The following CPA6 variants were observed in gnomAD, a reference collection of about 807,000 sequenced individuals.
CPA6 encodes the protein carboxypeptidase B.
A neutral mutation model predicts 63.3 loss-of-function variants in CPA6; 58 were observed. That is an observed-to-expected ratio of 0.92 (90% CI 0.74 to 1.14). The LOEUF (loss-of-function observed/expected upper bound fraction) is 1.14, where lower values mean the gene tolerates loss of function less well. Ranked by LOEUF, CPA6 falls within the 50% of genes most tolerant of loss-of-function variation. CPA6 has a pLI of 0.00. For synonymous variants in CPA6, 185 were observed against 179.0 expected, an observed-to-expected ratio of 1.03 and a Z score of -0.27; for missense variants, 565 against 526.6, an observed-to-expected ratio of 1.07 and a Z score of -0.71.
intron 1 of CPA6, among the ~76,000 whole-genome samples, chr8:67,642,795 A>ACT (rs770864889): frequency 7.1e-5 from 10 of 141,676 alleles, no homozygotes; most frequent in Admixed American, 2.1e-4. Flanking sequence ...CCTTTATCTC[A>ACT]CACACACACA....
chr8:67,567,918 C>A (rs547056301), intron 2 of CPA6, among the ~76,000 whole-genome samples: 1 of 151,706 alleles, frequency 6.6e-6, no homozygotes, highest in East Asian at 1.9e-4. Flanking sequence ...TGCAGTTAGA[C>A]CACCTGGGGT....
At chr8:67,457,201 G>A (rs558147267) in intron 8 of CPA6, among the ~76,000 whole-genome samples, 5 of 152,318 alleles carry the variant, frequency 3.3e-5, no homozygotes, top group South Asian at 4.1e-4. Context: ...TTAGCACAGC[G>A]TAACATTTTT....
intron 2 of CPA6, among the ~76,000 whole-genome samples, chr8:67,593,794 G>A (rs1814208764): frequency 6.8e-6 from 1 of 147,894 alleles, no homozygotes; most frequent in Admixed American, 6.8e-5. Flanking sequence ...CGTGAGATGG[G>A]TTTCCTGAAT....
chr8:67,674,144 G>A (rs1816417719), intron 1 of CPA6, among the ~76,000 whole-genome samples: 1 of 152,224 alleles, frequency 6.6e-6, no homozygotes, highest in Non-Finnish European at 1.5e-5. Context: ...TGACATGACA[G>A]AGAGGGTAAG....
At chr8:67,623,697 G>A (rs1815133009) in intron 2 of CPA6, among the ~76,000 whole-genome samples, 1 of 152,088 alleles carries the variant, frequency 6.6e-6, no homozygotes, top group African/African-American at 2.4e-5. Flanking sequence ...GTCTCCCAAA[G>A]TGCTGAGACT....
chr8:67,629,008 T>C (rs186309978), intron 1 of CPA6, among the ~76,000 whole-genome samples: 99 of 152,182 alleles, frequency 6.5e-4, no homozygotes, highest in Middle Eastern at 3.4e-3. Context: ...CCAGCTACTC[T>C]GGAGGCTAAG....
intron 2 of CPA6, among the ~76,000 whole-genome samples, chr8:67,565,258 T>G (rs1188006378): frequency 3.3e-5 from 5 of 151,902 alleles, no homozygotes; most frequent in African/African-American, 9.7e-5. Flanking sequence ...AAAACCCAGT[T>G]GTAGAGATTG....
chr8:67,617,233 A>G (rs1814978419), intron 2 of CPA6, among the ~76,000 whole-genome samples: 1 of 152,194 alleles, frequency 6.6e-6, no homozygotes, highest in South Asian at 2.1e-4. Flanking sequence ...GAATGTTTCT[A>G]ATGTATTTCT....
intron 1 of CPA6, among the ~76,000 whole-genome samples, chr8:67,710,758 G>GA (rs1482037241): frequency 2.6e-5 from 4 of 151,358 alleles, no homozygotes; most frequent in African/African-American, 9.7e-5. Context: ...TGTTGGGGGG[G>GA]GCTTAGAATT....
chr8:67,483,803 A>G lies in CPA6; in HGVS notation c.803T>C (p.Val268Ala), dbSNP rs1811410745. The change falls in exon 8 of 11, where the codon GTG becomes GCG. Residue 268 changes from valine to alanine, a missense_variant. Physicochemically the swap from Val to Ala is moderately conservative, Grantham distance 64. Transcript: ENST00000297770. ...SRNSRFRCRG[V>A]DANRNWKVKW... is the part of the protein sequence containing the mutation. ...CACTTTCCAGTTTCTATTGGCATCCACTCCACGGCAGCGAAACCTTGAGTT... is the reference window on the plus strand; with the variant it reads ...CACTTTCCAGTTTCTATTGGCATCCGCTCCACGGCAGCGAAACCTTGAGTT... 1 of 1,613,836 alleles carries G rather than the reference A, an allele frequency of 6.2e-7. No individual in the cohort carries two copies. Among genetic ancestry groups the G allele is most frequent in the Non-Finnish European group, 8.5e-7 (1 of 1,179,978 alleles).
chr8:67,472,378 T>TTATTTTATTTTATTCTATTC (rs1392843375), intron 8 of CPA6, among the ~76,000 whole-genome samples: 1,727 of 87,108 alleles, frequency 0.02, 52 homozygotes, highest in South Asian at 0.049. Context: ...ATTTATTTTT[T>TTATTTTATTTTATTCTATTC]TATTTTATTT....
intron 1 of CPA6, among the ~76,000 whole-genome samples, chr8:67,653,328 T>G (rs1286164169): frequency 2.0e-5 from 3 of 152,204 alleles, no homozygotes; most frequent in Non-Finnish European, 2.9e-5. Context: ...TAAATTACCT[T>G]GGGCAGTATG....
chr8:67,605,080 G>GTTTTTTTT (rs34741776), intron 2 of CPA6, among the ~76,000 whole-genome samples: 2 of 145,054 alleles, frequency 1.4e-5, no homozygotes, highest in East Asian at 2.0e-4. Flanking sequence ...GCCCAGCCAC[G>GTTTTTTTT]TTTTTTTTTT....
At chr8:67,643,440 C>A (rs1407124428) in intron 1 of CPA6, among the ~76,000 whole-genome samples, 1 of 152,142 alleles carries the variant, frequency 6.6e-6, no homozygotes, top group Non-Finnish European at 1.5e-5. Flanking sequence ...TGCAACCATC[C>A]TACTGATGAT....
chr8:67,543,846 T>C (rs1304739992), intron 2 of CPA6, among the ~76,000 whole-genome samples: 1 of 151,870 alleles, frequency 6.6e-6, no homozygotes, highest in African/African-American at 2.4e-5. Flanking sequence ...TGCAGTAGTG[T>C]GATCATAGCT....
At chr8:67,731,597 A>T (rs1817705953) in intron 1 of CPA6, among the ~76,000 whole-genome samples, 1 of 151,706 alleles carries the variant, frequency 6.6e-6, no homozygotes, top group South Asian at 2.1e-4. Flanking sequence ...TATTTGATCA[A>T]CTCTGTGTTT....
intron 1 of CPA6, among the ~76,000 whole-genome samples, chr8:67,716,568 C>T (rs555842179): frequency 1.3e-5 from 2 of 152,260 alleles, no homozygotes; most frequent in East Asian, 3.9e-4. Context: ...GCAGAGGAAG[C>T]AATCAGATAT....
chr8:67,721,816 G>C (rs992034972), intron 1 of CPA6, among the ~76,000 whole-genome samples: 1 of 152,158 alleles, frequency 6.6e-6, no homozygotes, highest in Non-Finnish European at 1.5e-5. Flanking sequence ...CAAAATGCTT[G>C]TTGCCATTAT....
chr8:67,621,471 C>T (rs1237598978), intron 2 of CPA6, among the ~76,000 whole-genome samples: 2 of 152,316 alleles, frequency 1.3e-5, no homozygotes, highest in Non-Finnish European at 2.9e-5. Context: ...TCAGAATAAA[C>T]TGACTAGAGG....
Sources: allele counts gnomAD v4.1 joint callset (sites outside exome capture counted in the v4.1 genomes callset), GRCh38; gene constraint gnomAD v4.1.1; transcripts MANE v1.5; gene names NCBI Gene and HGNC (gene_info 2026-07-23, HGNC 2026-07-21).